GRIK1: variants seen among roughly 807,000 people sequenced by gnomAD.
GRIK1 encodes glutamate receptor ionotropic, kainate 1.
In GRIK1, 69 loss-of-function variants were observed where a neutral mutation model predicts 105.7. The observed-to-expected ratio is 0.65, with a 90% CI of 0.54 to 0.80. The LOEUF is 0.80. Ranked by LOEUF, GRIK1 falls within the 30% of genes least tolerant of loss-of-function variation. GRIK1 has a pLI of 0.00. For missense variants in GRIK1, 1,109 were observed against 1,167.3 expected (o/e 0.95, Z 0.73); for synonymous variants, 438 against 431.3 (o/e 1.02, Z -0.19).
At chr21:29,786,442 G>A (rs528545860) in intron 1 of GRIK1, among the ~76,000 whole-genome samples, 6 of 152,054 alleles carry the variant, frequency 3.9e-5, no homozygotes, top group African/African-American at 1.5e-4. Flanking sequence ...TTAGGATATG[G>A]ACCTATCTTT....
intron 1 of GRIK1, among the ~76,000 whole-genome samples, chr21:29,935,059 C>T (rs2071701807): frequency 6.6e-6 from 1 of 152,104 alleles, no homozygotes; most frequent in Non-Finnish European, 1.5e-5. Flanking sequence ...GACTCTACCT[C>T]CAGCCACAGA....
intron 6 of GRIK1, among the ~76,000 whole-genome samples, chr21:29,649,047 A>G (rs529620846): frequency 1.3e-5 from 2 of 152,196 alleles, no homozygotes; most frequent in Non-Finnish European, 2.9e-5. Flanking sequence ...TGGCTTAGCT[A>G]TTGATCAAAC....
intron 3 of GRIK1, among the ~76,000 whole-genome samples, chr21:29,685,693 G>C (rs1401158560): frequency 6.6e-6 from 1 of 151,988 alleles, no homozygotes; most frequent in Non-Finnish European, 1.5e-5. Context: ...CACTGTTGGG[G>C]CTCAGAACAT....
intron 1 of GRIK1, among the ~76,000 whole-genome samples, chr21:29,911,430 C>T (rs1447113458): frequency 6.6e-6 from 1 of 152,030 alleles, no homozygotes; most frequent in African/African-American, 2.4e-5. Flanking sequence ...TGACACTATG[C>T]AGCCACGATC....
intron 1 of GRIK1, among the ~76,000 whole-genome samples, chr21:29,789,560 C>T (rs1030495435): frequency 6.6e-6 from 1 of 152,200 alleles, no homozygotes; most frequent in African/African-American, 2.4e-5. Context: ...AAAAGAAAAG[C>T]TCTTTTCTGC....
At chr21:29,922,222 A>T (rs1458452811) in intron 1 of GRIK1, among the ~76,000 whole-genome samples, 1 of 152,164 alleles carries the variant, frequency 6.6e-6, no homozygotes, top group Non-Finnish European at 1.5e-5. Flanking sequence ...AACAGTGAAG[A>T]TATGGTATAT....
chr21:29,542,793 G>C (rs931439287), intron 16 of GRIK1, among the ~76,000 whole-genome samples: 2 of 152,176 alleles, frequency 1.3e-5, no homozygotes, highest in African/African-American at 4.8e-5. Context: ...CTCTGGCCTA[G>C]CCAATAATAC....
chr21:29,614,402 CTTTTTTTTTTTTTTTT>C (rs35063316), intron 7 of GRIK1, among the ~76,000 whole-genome samples: 4 of 83,088 alleles, frequency 4.8e-5, no homozygotes, highest in Admixed American at 4.3e-4. Flanking sequence ...TAAAATCCCT[CTTTTTTTTTTTTTTTT>C]TTTTTTTTTT....
rs891089841 is a variant in GRIK1, at chr21:29,537,872, A to T, written c.2620T>A (p.Ser874Thr). The stretch of plus-strand genomic sequence containing the variant: ...TTCCTAAAATAAAATCTAATTCTTG[A>T]TGACTTTCCTTTCTGATAAAAAAAA... ...NNDIEQKGKS[S>T]RIRFYFRNKV... Residue 874 changes from serine to threonine, a missense_variant, in exon 17 of 18, where the codon TCA (serine) becomes ACA (threonine). Around this residue, in one of 5 missense-constraint regions of GRIK1, gnomAD observed 161 missense variants for 143.4 expected, o/e 1.12. Transcript: ENST00000327783. 6 of 1,322,750 alleles carry T rather than the reference A, an allele frequency of 4.5e-6. No individual in the cohort carries two copies. Among genetic ancestry groups the T allele is most frequent in the East Asian group, 2.3e-5 (1 of 43,576 alleles). 81.9% of individuals were successfully genotyped at this position (1,322,750 alleles called of 1,614,324 possible). A position where few individuals can be genotyped will look rare whatever the true frequency, so the allele number is the denominator to read the frequency against.
chr21:29,843,709 T>C lies in GRIK1; in HGVS notation c.118+95674A>G, dbSNP rs963437909. ...GAAGAAAATCCCAGGAGAAGATAGA[T>C]GCATTTTAACTTAGCAGAAATGGAC... On this transcript the variant is annotated intron_variant, in intron 1 of 17. Transcript: ENST00000327783. Among the ~76,000 whole-genome samples the C allele has an allele frequency of 1.1e-4, 16 of 152,324 alleles. No individual in the cohort carries two copies. The East Asian group carries it at 2.9e-3, about 28-fold the overall frequency.
At chr21:29,889,006 C>T (rs1391206858) in intron 1 of GRIK1, among the ~76,000 whole-genome samples, 1 of 152,158 alleles carries the variant, frequency 6.6e-6, no homozygotes, top group Non-Finnish European at 1.5e-5. Context: ...GTTTCTTCTT[C>T]TCAAAATAGC....
At chr21:29,661,064 T>G (rs1046418217) in intron 4 of GRIK1, among the ~76,000 whole-genome samples, 1 of 152,204 alleles carries the variant, frequency 6.6e-6, no homozygotes, top group Non-Finnish European at 1.5e-5. Flanking sequence ...CCATGCAATT[T>G]TTAATGGTGG....
intron 1 of GRIK1, among the ~76,000 whole-genome samples, chr21:29,874,747 G>A (rs1255056031): frequency 2.0e-5 from 3 of 152,176 alleles, no homozygotes; most frequent in African/African-American, 7.2e-5. Flanking sequence ...GAACTGGGAT[G>A]GTAGAAAGTA....
chr21:29,541,327 C>T (rs2089965662), intron 16 of GRIK1, among the ~76,000 whole-genome samples: 1 of 152,144 alleles, frequency 6.6e-6, no homozygotes, highest in South Asian at 2.1e-4. Context: ...GTTTTAATTT[C>T]AGCTATACTT....
chr21:29,751,018 G>T (rs2065186909), intron 1 of GRIK1, among the ~76,000 whole-genome samples: 1 of 152,124 alleles, frequency 6.6e-6, no homozygotes, highest in Admixed American at 6.5e-5. Flanking sequence ...TTCGCTGGCA[G>T]GCAGGGACAG....
At chr21:29,696,221 A>C (rs2063699314) in intron 1 of GRIK1, among the ~76,000 whole-genome samples, 1 of 152,214 alleles carries the variant, frequency 6.6e-6, no homozygotes. Context: ...AGGTATAGAT[A>C]ATTTCCCTGG....
intron 1 of GRIK1, among the ~76,000 whole-genome samples, 160 bp downstream of exon 1, chr21:29,939,223 G>A (rs1361291674): frequency 6.6e-6 from 1 of 152,172 alleles, no homozygotes; most frequent in Non-Finnish European, 1.5e-5. Context: ...CAGTGACGCG[G>A]CTCCCCCTTT....
intron 1 of GRIK1, among the ~76,000 whole-genome samples, chr21:29,885,240 G>A (rs1170682709): frequency 6.6e-6 from 1 of 151,860 alleles, no homozygotes; most frequent in Non-Finnish European, 1.5e-5. Flanking sequence ...TTCATGTCAG[G>A]GCAATGGACG....
intron 1 of GRIK1, among the ~76,000 whole-genome samples, chr21:29,888,876 G>A (rs111767667): frequency 7.1e-4 from 108 of 152,150 alleles, no homozygotes; most frequent in African/African-American, 2.1e-3. Flanking sequence ...TTGAAGAACA[G>A]GTGGTTGTCC....
Sources: allele counts gnomAD v4.1 joint callset (sites outside exome capture counted in the v4.1 genomes callset), GRCh38; gene constraint gnomAD v4.1.1; regional missense constraint gnomAD v4.1.1; transcripts MANE v1.5; gene names NCBI Gene and HGNC (gene_info 2026-07-23, HGNC 2026-07-21).